Variants in BCL11A observed in about 807,000 individuals in gnomAD.
The protein encoded by BCL11A is BCL11 transcription factor A.
A neutral mutation model predicts 55.9 loss-of-function variants in BCL11A; 2 were observed. The observed-to-expected ratio is 0.04, with a 90% CI of 0.01 to 0.11. The LOEUF (loss-of-function observed/expected upper bound fraction) is 0.11. BCL11A is among the 10% of genes least tolerant of loss of function. The probability of loss-of-function intolerance (pLI) is 1.00; values close to 1 mark genes in which losing one functional copy is unlikely to be tolerated. For missense variants in BCL11A, 817 were observed against 1,137.1 expected, an observed-to-expected ratio of 0.72 and a Z score of 4.05; for synonymous variants, 465 against 473.4, an observed-to-expected ratio of 0.98 and a Z score of 0.23.
rs555885210 is a variant in BCL11A at position 60,474,900 on chromosome 2, T to C, written c.386-6067A>G. Among the ~76,000 whole-genome samples the C allele has an allele frequency of 1.8e-3, 279 of 152,328 alleles. 2 individuals are homozygous for C. The highest frequency in any genetic ancestry group is 1.9e-3 in the Non-Finnish European group (128 of 68,030). ...GGTAAGGCCTGCACAGAAATTGCTCTACCCCCATGTAGAAAGTGTGTCATG... is the reference window on the plus strand; with the variant it reads ...GGTAAGGCCTGCACAGAAATTGCTCCACCCCCATGTAGAAAGTGTGTCATG... On this transcript the variant is annotated intron_variant, in intron 2 of 3. Coordinates refer to ENST00000642384, the MANE Select transcript of BCL11A (RefSeq NM_022893.4).
chr2:60,520,726 C>T (rs1298554622), intron 2 of BCL11A, among the ~76,000 whole-genome samples: 1 of 150,240 alleles, frequency 6.7e-6, no homozygotes, highest in African/African-American at 2.5e-5. Context: ...CCCACCCCCA[C>T]CCCATGTTGG....
chr2:60,485,290 A>T (rs543559961), intron 2 of BCL11A, among the ~76,000 whole-genome samples: 1 of 152,370 alleles, frequency 6.6e-6, no homozygotes, highest in Admixed American at 6.5e-5. Context: ...ACTGAACGGC[A>T]CAGTGACCAG....
chr2:60,469,797 C>A (rs1019296946), intron 2 of BCL11A, among the ~76,000 whole-genome samples: 3 of 152,196 alleles, frequency 2.0e-5, no homozygotes, highest in Admixed American at 6.5e-5. Context: ...CTCTAGCTAA[C>A]TAACCATGTA....
In BCL11A at chr2:60,475,132, C is replaced by G. The variant is rs539880566; in HGVS notation, c.386-6299G>C. On this transcript the variant is annotated intron_variant, in intron 2 of 3. Coordinates refer to ENST00000642384, the MANE Select transcript of BCL11A (RefSeq NM_022893.4). ...CAAGGTGGGCACAGAGTAAATGGGG[C>G]CCAATAGGCGGTTACATTCACATCA... Among the ~76,000 whole-genome samples, 42 of 152,286 alleles carry G rather than the reference C, an allele frequency of 2.8e-4. 1 individual carries two copies. Among genetic ancestry groups the G allele is most frequent in the African/African-American group, 9.6e-4 (40 of 41,564 alleles).
chr2:60,462,469 C>G (rs773497393), intron 3 of BCL11A, 45 bp from the exon 4 acceptor site: 2 of 1,553,980 alleles, frequency 1.3e-6, no homozygotes, highest in East Asian at 2.3e-5. Flanking sequence ...ATCACTGAGG[C>G]GGGCATCAGC....
chr2:60,460,787 C>T lies in BCL11A; in HGVS notation c.2125G>A (p.Gly709Arg). 1 of 1,613,170 alleles carries T rather than the reference C, an allele frequency of 6.2e-7. No individual in the cohort carries two copies. The highest frequency in any genetic ancestry group is 1.1e-5 in the South Asian group (1 of 91,084). ...FSTPPGELDG[G>R]ISGRSGTGSG... ...CCCGTGCCGCTGCGCCCCGAGATCC[C>T]TCCGTCCAGCTCCCCGGGCGGTGTG... Residue 709 changes from glycine (G) to arginine (R), a missense_variant, in exon 4 of 4, where the codon GGG becomes AGG. By Grantham distance (125) the Gly-to-Arg change is moderately radical. Transcript: ENST00000642384.
intron 2 of BCL11A, among the ~76,000 whole-genome samples, chr2:60,531,831 C>T (rs1486164912): frequency 6.6e-6 from 1 of 152,200 alleles, no homozygotes; most frequent in Non-Finnish European, 1.5e-5. Flanking sequence ...TCTCTGCCGG[C>T]CGCAGCTGTT....
chr2:60,506,355 C>G (rs1047065264), intron 2 of BCL11A, among the ~76,000 whole-genome samples: 2 of 152,260 alleles, frequency 1.3e-5, no homozygotes, highest in African/African-American at 4.8e-5. Context: ...GCCCTGCCAG[C>G]GGCCCCCATT....
intron 2 of BCL11A, among the ~76,000 whole-genome samples, chr2:60,521,710 C>G (rs1224659845): frequency 6.6e-6 from 1 of 152,166 alleles, no homozygotes; most frequent in African/African-American, 2.4e-5. Context: ...TCATCTTTCT[C>G]TAATAGCCAG....
chr2:60,536,740 G>A (rs1387260304), intron 2 of BCL11A: 1 of 152,144 alleles, frequency 6.6e-6, no homozygotes, highest in Non-Finnish European at 1.5e-5. Context: ...AATGCATATA[G>A]GAAGCCTTGA....
chr2:60,509,034 C>G (rs1360121382), intron 2 of BCL11A, among the ~76,000 whole-genome samples: 1 of 152,206 alleles, frequency 6.6e-6, no homozygotes, highest in Non-Finnish European at 1.5e-5. Flanking sequence ...CCTAGAGGAC[C>G]TCCTCCAAAG....
At position 60,460,381 on chromosome 2, in the gene BCL11A, G is replaced by A; in HGVS notation, c.*23C>T. ...GAAAAAGGGGGTGTCAGGTGGGAGT[G>A]AGGGAGGGGTATTAATATACCTCTA... On this transcript the variant is annotated 3_prime_UTR_variant, in exon 4 of 4. Transcript: ENST00000642384. The A allele has an allele frequency of 6.4e-7, 1 of 1,564,818 alleles. No individual in the cohort carries two copies. The highest frequency in any genetic ancestry group is 8.7e-7 in the Non-Finnish European group (1 of 1,148,820).
chr2:60,527,731 T>C (rs1558484045), intron 2 of BCL11A: 1 of 152,252 alleles, frequency 6.6e-6, no homozygotes, highest in Non-Finnish European at 1.5e-5. Context: ...GGCCTCCGCA[T>C]GAAGTAGGCG....
chr2:60,511,418 T>C (rs1679979778), intron 2 of BCL11A, among the ~76,000 whole-genome samples: 1 of 152,226 alleles, frequency 6.6e-6, no homozygotes. Context: ...GTGACTCCAC[T>C]CTTTTCCGTT....
chr2:60,501,271 A>C (rs1160503442), intron 2 of BCL11A, among the ~76,000 whole-genome samples: 1 of 152,186 alleles, frequency 6.6e-6, no homozygotes, highest in Non-Finnish European at 1.5e-5. Context: ...AACAAAATGG[A>C]ATGAGCCTCA....
At chr2:60,463,723 T>C (rs1572955628) in intron 3 of BCL11A, among the ~76,000 whole-genome samples, 1 of 151,652 alleles carries the variant, frequency 6.6e-6, no homozygotes, top group African/African-American at 2.4e-5. Context: ...AGTTTACTAG[T>C]CAACTGCAAC....
chr2:60,510,884 G>A (rs1679943569), intron 2 of BCL11A, among the ~76,000 whole-genome samples: 1 of 152,222 alleles, frequency 6.6e-6, no homozygotes, highest in South Asian at 2.1e-4. Context: ...GCATTATAAT[G>A]TAAATGGAGG....
chr2:60,456,759 TA>T (rs922047182), downstream of BCL11A, among the ~76,000 whole-genome samples: 2 of 152,242 alleles, frequency 1.3e-5, no homozygotes. Context: ...TGATTTTTTT[TA>T]AAAAAATCTT....
downstream of BCL11A, among the ~76,000 whole-genome samples, chr2:60,453,501 C>G (rs1238684352): frequency 6.6e-6 from 1 of 152,212 alleles, no homozygotes; most frequent in African/African-American, 2.4e-5. Flanking sequence ...GGCCCGGGGT[C>G]TGGATCTCAG....
Sources: gnomAD v4.1 joint callset for allele counts (sites outside exome capture counted in the v4.1 genomes callset) on GRCh38, gnomAD v4.1.1 for gene constraint, MANE v1.5 for transcripts, NCBI Gene and HGNC (gene_info 2026-07-23, HGNC 2026-07-21) for gene names.